Variants in PRKN observed in about 807,000 individuals in gnomAD.
PRKN encodes parkin RBR E3 ubiquitin protein ligase.
PRKN carries 56 observed loss-of-function variants against 59.5 expected under a neutral mutation model. That is an observed-to-expected ratio of 0.94 (90% confidence interval 0.76 to 1.18). The LOEUF is 1.18. Among genes scored for constraint, PRKN ranks in the 50% most tolerant of loss-of-function variants. The pLI, the probability that PRKN is intolerant of heterozygous loss-of-function variation, is 0.00. For synonymous variants in PRKN, 250 were observed against 222.1 expected (o/e 1.13, Z -1.12); for missense variants, 657 against 596.4 (o/e 1.10, Z -1.06).
chr6:162,159,742 A>G (rs1782676679), intron 4 of PRKN, among the ~76,000 whole-genome samples: 1 of 152,244 alleles, frequency 6.6e-6, no homozygotes, highest in East Asian at 1.9e-4. Context: ...GTGTGGTATT[A>G]GCATCAGGAC....
chr6:162,573,242 C>T (rs1236671071), intron 1 of PRKN, among the ~76,000 whole-genome samples: 2 of 152,104 alleles, frequency 1.3e-5, no homozygotes, highest in Non-Finnish European at 2.9e-5. Context: ...ACCTCAAAAA[C>T]TAAGACCTCC....
chr6:162,292,567 G>A (rs1017837045), intron 2 of PRKN, among the ~76,000 whole-genome samples: 1 of 152,094 alleles, frequency 6.6e-6, no homozygotes. Context: ...GTCCAGGATT[G>A]AATCTACTCC....
At chr6:161,374,770 CAAT>C (rs1309547638) in intron 10 of PRKN, among the ~76,000 whole-genome samples, 1 of 44,418 alleles carries the variant, frequency 2.3e-5, no homozygotes, top group Non-Finnish European at 4.9e-5. Context: ...GTAGCTGTGA[CAAT>C]AAGTTTCTAT....
intron 1 of PRKN, among the ~76,000 whole-genome samples, chr6:162,509,773 ATT>A (rs2128190035): frequency 6.6e-6 from 1 of 152,294 alleles, no homozygotes; most frequent in East Asian, 1.9e-4. Flanking sequence ...CTGTTTATTT[ATT>A]TTTAATAAAA....
chr6:162,449,605 T>G (rs965430702), intron 1 of PRKN, among the ~76,000 whole-genome samples: 5 of 152,136 alleles, frequency 3.3e-5, no homozygotes, highest in African/African-American at 1.2e-4. Context: ...TTTATAACTA[T>G]TACCTGCATA....
intron 7 of PRKN, among the ~76,000 whole-genome samples, chr6:161,679,206 G>A (rs1230984641): frequency 1.3e-5 from 2 of 152,182 alleles, no homozygotes; most frequent in Non-Finnish European, 2.9e-5. Context: ...CCTGGCAGAT[G>A]TGATTCTGAG....
intron 1 of PRKN, among the ~76,000 whole-genome samples, chr6:162,617,856 TGAGCACTTACTATATTC>T (rs1184439856): frequency 6.6e-6 from 1 of 152,178 alleles, no homozygotes; most frequent in Admixed American, 6.5e-5. Context: ...TAAAGTTTAT[TGAGCACTTACTATATTC>T]AGGCACTTTC....
chr6:162,330,374 C>A (rs1434438058), intron 2 of PRKN, among the ~76,000 whole-genome samples: 1 of 152,096 alleles, frequency 6.6e-6, no homozygotes, highest in Non-Finnish European at 1.5e-5. Flanking sequence ...TACATAAGTT[C>A]TGAGCAATAA....
chr6:162,381,044 C>G (rs1010136048), intron 2 of PRKN, among the ~76,000 whole-genome samples: 1 of 152,098 alleles, frequency 6.6e-6, no homozygotes, highest in African/African-American at 2.4e-5. Context: ...TCTTCCTCTT[C>G]CAGCTATTTC....
intron 1 of PRKN, among the ~76,000 whole-genome samples, chr6:162,485,234 T>C (rs1000985365): frequency 1.3e-5 from 2 of 152,174 alleles, no homozygotes; most frequent in Non-Finnish European, 2.9e-5. Context: ...TCAAAGCTCA[T>C]GATCAACTAA....
chr6:162,335,622 T>C (rs944638222), intron 2 of PRKN, among the ~76,000 whole-genome samples: 4 of 152,188 alleles, frequency 2.6e-5, no homozygotes, highest in Non-Finnish European at 4.4e-5. Flanking sequence ...CAGAGTGAGA[T>C]TAAATTCTTT....
intron 4 of PRKN, among the ~76,000 whole-genome samples, chr6:162,148,651 TA>T (rs1230456724): frequency 6.6e-6 from 1 of 151,768 alleles, no homozygotes; most frequent in African/African-American, 2.4e-5. Flanking sequence ...GAAAAAAGCC[TA>T]AAATAAAGGA....
chr6:162,343,892 T>C (rs1377871672), intron 2 of PRKN, among the ~76,000 whole-genome samples: 4 of 152,208 alleles, frequency 2.6e-5, no homozygotes, highest in African/African-American at 4.8e-5. Context: ...GAAATACTTT[T>C]GTAGAGATTT....
chr6:161,932,937 T>A (rs546034806), intron 6 of PRKN, among the ~76,000 whole-genome samples: 2 of 152,316 alleles, frequency 1.3e-5, no homozygotes, highest in South Asian at 4.1e-4. Context: ...GATGTTTTGT[T>A]TCTGTAGTTT....
chr6:162,054,113 G>A lies in PRKN; in HGVS notation c.596C>T (p.Pro199Leu), dbSNP rs748352072. The A allele has an allele frequency of 1.9e-6, 3 of 1,612,246 alleles. No homozygotes were observed. Among genetic ancestry groups the A allele is most frequent in the Admixed American group, 3.3e-5 (2 of 60,024 alleles). Residue 199 changes from proline (P) to leucine (L), a missense_variant, in exon 5 of 12, where the codon CCA becomes CTA. Physicochemically the swap from Pro to Leu is moderately conservative, Grantham distance 98 (BLOSUM62 -3). Transcript: ENST00000366898. ...PNRMSGECQS[P>L]HCPGTSAEFF... ...TACTGCACTAGTCCCAGGGCAGTGT[G>A]GGGATTGGCATTCACCACTCATCCG...
At position 161,461,043 on chromosome 6, in the gene PRKN, C is replaced by T. The variant is rs1790191729; in HGVS notation, c.1084-74166G>A. Among the ~76,000 whole-genome samples, 1 of 152,076 alleles carries T rather than the reference C, an allele frequency of 6.6e-6. No individual in the cohort carries two copies. The highest frequency in any genetic ancestry group is 1.5e-5 in the Non-Finnish European group (1 of 68,020). On this transcript the variant is annotated intron_variant, in intron 9 of 11. Coordinates refer to ENST00000366898, the MANE Select transcript of PRKN (RefSeq NM_004562.3). The surrounding 1 kb of genome is among the most constrained non-coding windows in gnomAD (Gnocchi z 5.1). ...AAGTACTGGGACTACAGGTGTGAGC[C>T]ACCATGCCCGGTCCAAGAGTCATCT...
Position 162,096,775 on chromosome 6 carries a change from C to CTT in PRKN, c.535-42603_535-42602dup, listed in dbSNP as rs36192490. Among the ~76,000 whole-genome samples, 789 of 143,230 alleles carry CTT rather than the reference C, an allele frequency of 5.5e-3. 11 individuals are homozygous for CTT. The highest frequency in any genetic ancestry group is 0.037 in the Middle Eastern group (10 of 272). 94.0% of individuals were successfully genotyped at this position (143,230 alleles called of 152,430 possible). A position where few individuals can be genotyped will look rare whatever the true frequency, so the allele number is the denominator to read the frequency against. ...GCAGAACTATGAGTCCATTTAACCTCTTTTTTTTTTATAAATTGCCCAGTC... is the reference window on the plus strand; with the variant it reads ...GCAGAACTATGAGTCCATTTAACCTCTTTTTTTTTTTTATAAATTGCCCAGTC... On this transcript the variant is annotated intron_variant, in intron 4 of 11. Transcript: ENST00000366898.
chr6:161,386,945 T>C lies in PRKN; in HGVS notation c.1084-68A>G, dbSNP rs1303882356. ...CATTTGGCAATAACACATTTTTCCT[T>C]TTCCAAATTCATTATATTCATTCCT... On this transcript the variant is annotated intron_variant, in intron 9 of 11. Transcript: ENST00000366898. This position sits in a 1 kb window ranked among gnomAD's most constrained non-coding sequence, Gnocchi z 4.3. The C allele has an allele frequency of 3.2e-6, 4 of 1,267,272 alleles. No homozygotes were observed. The highest frequency in any genetic ancestry group is 2.9e-5 in the African/African-American group (2 of 68,310). 78.5% of individuals were successfully genotyped at this position (1,267,272 alleles called of 1,614,324 possible). A position where few individuals can be genotyped will look rare whatever the true frequency, so the allele number is the denominator to read the frequency against.
intron 7 of PRKN, among the ~76,000 whole-genome samples, chr6:161,658,851 T>C (rs1445605097): frequency 1.3e-5 from 2 of 152,230 alleles, no homozygotes; most frequent in African/African-American, 2.4e-5. Flanking sequence ...CCTTATGTTG[T>C]CCAGGTCCTG....
Sources: gnomAD v4.1 joint callset for allele counts (sites outside exome capture counted in the v4.1 genomes callset) on GRCh38, gnomAD v4.1.1 for gene constraint, Gnocchi (gnomAD v3.1) non-coding constraint, MANE v1.5 for transcripts, NCBI Gene and HGNC (gene_info 2026-07-23, HGNC 2026-07-21) for gene names.